Variants in INPP5D observed in about 807,000 individuals in gnomAD.
INPP5D encodes the protein phosphatidylinositol 3,4,5-trisphosphate 5-phosphatase 1.
A neutral mutation model predicts 122.9 loss-of-function variants in INPP5D; 33 were observed. That is an observed-to-expected ratio of 0.27 (90% CI 0.20 to 0.36). INPP5D has a LOEUF of 0.36. Ranked by LOEUF, INPP5D falls within the 10% of genes least tolerant of loss-of-function variation. INPP5D has a pLI of 1.00. For synonymous variants in INPP5D, 584 were observed against 576.2 expected (o/e 1.01, Z -0.19); for missense variants, 1,053 against 1,412.7 (o/e 0.75, Z 4.08).
At chr2:233,152,555 A>G (rs1238945763) in intron 9 of INPP5D, among the ~76,000 whole-genome samples, 1 of 152,226 alleles carries the variant, frequency 6.6e-6, no homozygotes, top group Non-Finnish European at 1.5e-5. Flanking sequence ...GGGAATGATA[A>G]ACTCTAGACC....
chr2:233,122,044 T>G, intron 2 of INPP5D, 63 bp from the exon 3 acceptor site: 1 of 1,591,054 alleles, frequency 6.3e-7, no homozygotes, highest in Non-Finnish European at 8.6e-7. Flanking sequence ...GCAGTTGGCC[T>G]TTGTGGTTGG....
chr2:233,124,173 C>A (rs946475248), intron 3 of INPP5D, among the ~76,000 whole-genome samples: 3 of 151,936 alleles, frequency 2.0e-5, no homozygotes, highest in African/African-American at 4.8e-5. Context: ...CCTAACCGGG[C>A]CCCTCAGTTG....
rs571384992 is a variant in INPP5D, at chr2:233,186,330, A to G, written c.2358+405A>G. ...CTCTTTGACGCTTGTTTTCCTATTC[A>G]GTGCTGGTTCATAGAATCGAGTACA... On this transcript the variant is annotated intron_variant, in intron 21 of 26. Transcript: ENST00000445964. Among the ~76,000 whole-genome samples, 9 of 152,188 alleles carry G rather than the reference A, an allele frequency of 5.9e-5. No individual in the cohort carries two copies. The South Asian group carries it at 1.9e-3, about 32-fold the overall frequency.
At chr2:233,198,510 G>A (rs1695245330) in intron 25 of INPP5D, 134 bp downstream of exon 25, 1 of 1,374,918 alleles carries the variant, frequency 7.3e-7, no homozygotes, top group African/African-American at 1.5e-5. Context: ...TATCCCTGGG[G>A]CCTGAACACA....
At chr2:233,137,853 A>AAAAT (rs1693518433) in intron 5 of INPP5D, among the ~76,000 whole-genome samples, 2 of 27,730 alleles carry the variant, frequency 7.2e-5, no homozygotes, top group East Asian at 1.2e-3. Context: ...AAAAAAAAAA[A>AAAAT]ATATATATAT....
At chr2:233,205,715 G>T (rs1300362334) in intron 26 of INPP5D, 1 of 152,118 alleles carries the variant, frequency 6.6e-6, no homozygotes, top group Non-Finnish European at 1.5e-5. Flanking sequence ...ATATTTTGGA[G>T]AATTCAGCAC....
chr2:233,157,935 A>C (rs1044702069), intron 9 of INPP5D, among the ~76,000 whole-genome samples: 1 of 152,182 alleles, frequency 6.6e-6, no homozygotes, highest in African/African-American at 2.4e-5. Flanking sequence ...AATTAAATTT[A>C]GATATAAATT....
At chr2:233,067,470 T>C (rs1478958189) in intron 1 of INPP5D, among the ~76,000 whole-genome samples, 1 of 152,262 alleles carries the variant, frequency 6.6e-6, no homozygotes, top group Non-Finnish European at 1.5e-5. Flanking sequence ...TTGTTTCCAC[T>C]TTTGGGCTAT....
chr2:233,067,452 C>T (rs561165646), intron 1 of INPP5D, among the ~76,000 whole-genome samples: 52 of 152,338 alleles, frequency 3.4e-4, no homozygotes, highest in African/African-American at 1.2e-3. Flanking sequence ...AGTTGACAGG[C>T]ATTTGGGTTG....
intron 2 of INPP5D, among the ~76,000 whole-genome samples, chr2:233,079,832 T>C (rs1270411569): frequency 6.6e-6 from 1 of 152,220 alleles, no homozygotes; most frequent in Admixed American, 6.5e-5. Flanking sequence ...AAACAGTGCC[T>C]TTCCATTTGT....
rs1691729738 is a variant in INPP5D at position 233,082,973 on chromosome 2, GTGGCCTCTCAGAGAGCT to G, written c.198+3584_198+3600del. ...CAGAGGGACAGGGAGACAGGGCAAT[GTGGCCTCTCAGAGAGCT>G]TGGCCTCTTGCCCTTCACATGGTTA... On this transcript the variant is annotated intron_variant, in intron 2 of 26. Transcript: ENST00000445964. The surrounding 1 kb of genome is among the most constrained non-coding windows in gnomAD (Gnocchi z 4.7). Among the ~76,000 whole-genome samples, 1 of 152,258 alleles carries G rather than the reference GTGGCCTCTCAGAGAGCT, an allele frequency of 6.6e-6. No homozygotes were observed. The highest frequency in any genetic ancestry group is 1.5e-5 in the Non-Finnish European group (1 of 68,040).
chr2:233,186,342 T>C (rs919123910), intron 21 of INPP5D, among the ~76,000 whole-genome samples: 1 of 152,094 alleles, frequency 6.6e-6, no homozygotes, highest in Admixed American at 6.6e-5. Flanking sequence ...TGCTGGTTCA[T>C]AGAATCGAGT....
In INPP5D at chr2:233,079,215, C is replaced by T. The variant is rs185791604; in HGVS notation, c.135-120C>T. 4.2e-4 allele frequency: 288 copies of T among 690,540 alleles called. 1 individual carries two copies. In the African/African-American group the frequency reaches 4.4e-3, roughly 11 times the overall value. The allele number at this position is 690,540 out of a possible 1,614,324, so 42.8% of individuals were successfully genotyped here. A position where few individuals can be genotyped will look rare whatever the true frequency, so the allele number is the denominator to read the frequency against. On this transcript the variant is annotated intron_variant, in intron 1 of 26. Transcript: ENST00000445964. Reference sequence around the variant, plus strand: ...TCCATCTTAAGAGAACGGTCAGCTCCGAAATTCGGAGACTTTGTGTCCAGA... The same window carrying T: ...TCCATCTTAAGAGAACGGTCAGCTCTGAAATTCGGAGACTTTGTGTCCAGA...
chr2:233,179,165 C>T (rs930419887), intron 18 of INPP5D, among the ~76,000 whole-genome samples: 8 of 141,546 alleles, frequency 5.7e-5, no homozygotes, highest in African/African-American at 1.0e-4. Context: ...CTCATAGCCA[C>T]GGCCAGGGCA....
At chr2:233,084,470 C>T (rs991637149) in intron 2 of INPP5D, among the ~76,000 whole-genome samples, 9 of 152,214 alleles carry the variant, frequency 5.9e-5, no homozygotes, top group Non-Finnish European at 1.3e-4. Context: ...TGAGCCATTC[C>T]GGTGAGTTCT....
chr2:233,144,407 G>T (rs1693697051), intron 6 of INPP5D, among the ~76,000 whole-genome samples: 1 of 149,862 alleles, frequency 6.7e-6, no homozygotes, highest in Non-Finnish European at 1.5e-5. Flanking sequence ...GATAGGGGTG[G>T]AGATGGTGGT....
In INPP5D at chr2:233,100,031, C is replaced by T. The variant is rs972733554; in HGVS notation, c.198+20633C>T. On this transcript the variant is annotated intron_variant, in intron 2 of 26. Coordinates refer to ENST00000445964, the MANE Select transcript of INPP5D (RefSeq NM_001017915.3). This position sits in a 1 kb window ranked among gnomAD's most constrained non-coding sequence, Gnocchi z 5.3. ...CCATTCACTATCACGAGAACAGAGC[C>T]GCCATAATTCAATCACCTCCCACCG... is the stretch of plus-strand genomic sequence containing the variant. Among the ~76,000 whole-genome samples, 4 of 152,160 alleles carry T rather than the reference C, an allele frequency of 2.6e-5. No individual in the cohort carries two copies. Among genetic ancestry groups the T allele is most frequent in the Admixed American group, 6.5e-5 (1 of 15,282 alleles).
Position 233,198,099 on chromosome 2 carries a change from C to A in INPP5D, c.2698C>A (p.Pro900Thr). ...MKQWEVTSRAPPCSGSSITEI... is the reference protein window; with the variant it reads ...MKQWEVTSRATPCSGSSITEI... ...GACTCCATGTCCTCCCTGCAGGGCCCCTCCGTGCAGTGGCTCCAGCATCAC... is the reference window on the plus strand; with the variant it reads ...GACTCCATGTCCTCCCTGCAGGGCCACTCCGTGCAGTGGCTCCAGCATCAC... The change falls in exon 25 of 27, where the codon CCT becomes ACT. Residue 900 changes from proline to threonine, a missense_variant. This residue lies in a region of INPP5D where 417 missense variants were observed against 425.8 expected (regional missense o/e 0.98). Transcript: ENST00000445964. 1 of 1,598,860 alleles carries A rather than the reference C, an allele frequency of 6.3e-7. No homozygotes were observed. Among genetic ancestry groups the A allele is most frequent in the East Asian group, 2.2e-5 (1 of 44,556 alleles).
intron 2 of INPP5D, among the ~76,000 whole-genome samples, chr2:233,107,961 C>T (rs1206049355): frequency 1.3e-5 from 2 of 152,142 alleles, no homozygotes; most frequent in African/African-American, 2.4e-5. Flanking sequence ...AGTCTCCAGA[C>T]ATGTGGTTTG....
Sources: allele counts gnomAD v4.1 joint callset (sites outside exome capture counted in the v4.1 genomes callset), GRCh38; gene constraint gnomAD v4.1.1; regional missense constraint gnomAD v4.1.1; non-coding constraint Gnocchi (gnomAD v3.1); transcripts MANE v1.5; gene names NCBI Gene and HGNC (gene_info 2026-07-23, HGNC 2026-07-21).